The following ADAM9 variants were observed in gnomAD, a reference collection of about 807,000 sequenced individuals.
ADAM9 encodes the protein ADAM metallopeptidase domain 9.
In ADAM9, 54 loss-of-function variants were observed where a neutral mutation model predicts 108.1. That is an observed-to-expected ratio of 0.50 (90% confidence interval 0.40 to 0.63). The LOEUF is 0.63. Among genes scored for constraint, ADAM9 ranks in the 20% least tolerant of loss-of-function variants. The probability of loss-of-function intolerance (pLI) is 0.00; values close to 1 mark genes in which losing one functional copy is unlikely to be tolerated. For missense variants in ADAM9, 830 were observed against 997.7 expected (o/e 0.83, Z 2.26); for synonymous variants, 316 against 336.0 (o/e 0.94, Z 0.65).
Position 39,104,729 on chromosome 8 carries a change from G to A in ADAM9, c.*1029G>A, listed in dbSNP as rs770389003. 1 of 453,816 alleles carries A rather than the reference G, an allele frequency of 2.2e-6. No homozygotes were observed. 28.1% of individuals were successfully genotyped at this position (453,816 alleles called of 1,614,324 possible). Reference sequence around the variant, plus strand: ...ATAGAAATTAGGCTGGAGAAAGAAGGAAGAAATGGTTTTCTTAAATACCTA... The same window carrying A: ...ATAGAAATTAGGCTGGAGAAAGAAGAAAGAAATGGTTTTCTTAAATACCTA... On this transcript the variant is annotated 3_prime_UTR_variant, in exon 22 of 22. Transcript: ENST00000487273.
intron 7 of ADAM9, among the ~76,000 whole-genome samples, chr8:39,020,137 T>C (rs923339244): frequency 2.0e-5 from 3 of 152,034 alleles, no homozygotes; most frequent in African/African-American, 7.2e-5. Context: ...TACAAAAAAT[T>C]AGCCGGGCGT....
Position 39,042,136 on chromosome 8 carries a change from T to G in ADAM9, c.1302+19T>G. The stretch of plus-strand genomic sequence containing the variant: ...TCCAAAGGTCAGTTTAATTTTTGAC[T>G]TTTGCCTTGTAAAATTGCCATGATA... On this transcript the variant is annotated intron_variant, in intron 12 of 21. Transcript: ENST00000487273. 6.2e-7 allele frequency: 1 copy of G among 1,613,818 alleles called. No homozygotes were observed. The highest frequency in any genetic ancestry group is 8.5e-7 in the Non-Finnish European group (1 of 1,179,734).
At chr8:39,018,080 C>T (rs959181626) in intron 6 of ADAM9, among the ~76,000 whole-genome samples, 2 of 152,186 alleles carry the variant, frequency 1.3e-5, no homozygotes, top group Non-Finnish European at 2.9e-5. Flanking sequence ...TGCTATAGCA[C>T]TTCATGATTT....
chr8:39,102,884 A>G (rs544367278), intron 21 of ADAM9, among the ~76,000 whole-genome samples: 1 of 152,260 alleles, frequency 6.6e-6, no homozygotes. Flanking sequence ...TTTGTATCAC[A>G]TAAAATGCAA....
At chr8:39,089,308 T>C (rs1009239779) in intron 18 of ADAM9, among the ~76,000 whole-genome samples, 1 of 152,190 alleles carries the variant, frequency 6.6e-6, no homozygotes, top group African/African-American at 2.4e-5. Flanking sequence ...ATTAAAATTC[T>C]ATAAGAGAAA....
At chr8:39,080,956 T>TG (rs1839003839) in intron 16 of ADAM9, among the ~76,000 whole-genome samples, 1 of 148,724 alleles carries the variant, frequency 6.7e-6, no homozygotes, top group Non-Finnish European at 1.5e-5. Context: ...GAGTTTTTTT[T>TG]TTTTTTTTTT....
chr8:39,014,457 C>A, intron 4 of ADAM9: 1 of 667,648 alleles, frequency 1.5e-6, no homozygotes, highest in African/African-American at 1.8e-5. Context: ...TTCTAATGTT[C>A]TAAATTTTTT....
At chr8:39,079,133 A>C (rs1838939941) in intron 16 of ADAM9, among the ~76,000 whole-genome samples, 1 of 152,200 alleles carries the variant, frequency 6.6e-6, no homozygotes, top group South Asian at 2.1e-4. Flanking sequence ...ATGCTGCCCT[A>C]CACAGTTAAA....
At chr8:39,070,173 A>G (rs1250174190) in intron 14 of ADAM9, among the ~76,000 whole-genome samples, 5 of 140,216 alleles carry the variant, frequency 3.6e-5, no homozygotes, top group African/African-American at 1.3e-4. Context: ...AAAAAAAAAA[A>G]GCTAAAATGT....
In ADAM9 at chr8:39,018,938, T is replaced by A; in HGVS notation, c.672+20T>A. The A allele has an allele frequency of 2.5e-6, 4 of 1,611,360 alleles. No individual in the cohort carries two copies. The highest frequency in any genetic ancestry group is 3.4e-6 in the Non-Finnish European group (4 of 1,177,624). The stretch of plus-strand genomic sequence containing the variant: ...GAAAGGGTAAGATTGGTGACAATTT[T>A]TCTTCTTTTCCATGAAAAGGATATG... On this transcript the variant is annotated intron_variant, in intron 7 of 21. Transcript: ENST00000487273.
rs910432415 is a variant in ADAM9 at position 39,043,561 on chromosome 8, A to G, written c.1302+1444A>G. ...GCATCTTTTCATATACCTGTTGGCT[A>G]TTTGTGTGTCTTCATGGAGCAATGT... On this transcript the variant is annotated intron_variant, in intron 12 of 21. Transcript: ENST00000487273. Among the ~76,000 whole-genome samples the G allele has an allele frequency of 5.3e-5, 8 of 152,064 alleles. No homozygotes were observed. The East Asian group carries it at 1.4e-3, about 26-fold the overall frequency.
intron 12 of ADAM9, among the ~76,000 whole-genome samples, chr8:39,045,303 C>T (rs1443896160): frequency 1.3e-4 from 13 of 102,038 alleles, no homozygotes; most frequent in South Asian, 2.8e-4. Flanking sequence ...TACACCTATA[C>T]ATGTGTGTGT....
chr8:39,033,341 A>G (rs1399397308), intron 11 of ADAM9, among the ~76,000 whole-genome samples: 2 of 152,124 alleles, frequency 1.3e-5, no homozygotes, highest in Non-Finnish European at 2.9e-5. Flanking sequence ...TTTTCTACAT[A>G]GATGATCATA....
rs751054116 is a variant in ADAM9, at chr8:39,026,765, A to G, written c.1085A>G (p.Asp362Gly). The change falls in exon 11 of 22, where the codon GAT becomes GGT. Residue 362 changes from aspartate to glycine, a missense_variant. By Grantham distance (94) the Asp-to-Gly change is moderately conservative. Around this residue, in one of 3 missense-constraint regions of ADAM9, gnomAD observed 381 missense variants for 539.8 expected, o/e 0.71. Coordinates refer to ENST00000487273, the MANE Select transcript of ADAM9 (RefSeq NM_003816.3). ...NLGMNHDDGRDCSCGAKSCIM... is the reference protein window; with the variant it reads ...NLGMNHDDGRGCSCGAKSCIM... Reference sequence around the variant, plus strand: ...GGAATGAATCACGATGATGGGAGAGATTGTTCCTGTGGAGCAAAGAGCTGC... The same window carrying G: ...GGAATGAATCACGATGATGGGAGAGGTTGTTCCTGTGGAGCAAAGAGCTGC... 9 of 1,614,114 alleles carry G rather than the reference A, an allele frequency of 5.6e-6. No individual in the cohort carries two copies. Among genetic ancestry groups the G allele is most frequent in the Non-Finnish European group, 7.6e-6 (9 of 1,180,006 alleles).
At chr8:39,093,293 A>T (rs1265929045) in intron 20 of ADAM9, among the ~76,000 whole-genome samples, 1 of 152,022 alleles carries the variant, frequency 6.6e-6, no homozygotes, top group African/African-American at 2.4e-5. Context: ...CCTTGTACAG[A>T]TACTTATTTT....
chr8:39,027,925 T>A (rs935702238), intron 11 of ADAM9, among the ~76,000 whole-genome samples: 6 of 151,612 alleles, frequency 4.0e-5, no homozygotes, highest in Admixed American at 6.6e-5. Context: ...AATAAATAAA[T>A]AAAAAATAAA....
At chr8:39,075,187 G>T (rs150330549) in intron 15 of ADAM9, among the ~76,000 whole-genome samples, 17,025 of 152,068 alleles carry the variant, frequency 0.11, 1,054 homozygotes, top group Admixed American at 0.15. Context: ...GATTACAGGC[G>T]TGAGCCACCG....
intron 11 of ADAM9, among the ~76,000 whole-genome samples, chr8:39,028,365 TA>T (rs34945222): frequency 0.089 from 13,259 of 149,704 alleles, 903 homozygotes; most frequent in African/African-American, 0.19. Flanking sequence ...CCATGCTTCA[TA>T]AAAAAAAAAT....
intron 2 of ADAM9, 52 bp from the exon 3 acceptor site, chr8:39,011,606 A>G: frequency 2.0e-6 from 3 of 1,531,386 alleles, no homozygotes; most frequent in Non-Finnish European, 1.8e-6. Context: ...GATGTTGTTG[A>G]AAAGTAATTT....
Sources: gnomAD v4.1 joint callset for allele counts (sites outside exome capture counted in the v4.1 genomes callset) on GRCh38, gnomAD v4.1.1 for gene constraint, gnomAD v4.1.1 regional missense constraint, MANE v1.5 for transcripts, NCBI Gene and HGNC (gene_info 2026-07-23, HGNC 2026-07-21) for gene names.